ARID1B: variants seen among roughly 807,000 people sequenced by gnomAD.
The protein encoded by ARID1B is AT-rich interactive domain-containing protein 1B.
Under a neutral mutation model 212.3 loss-of-function variants are expected in ARID1B, and 30 were observed. The observed-to-expected ratio is 0.14, with a 90% CI of 0.11 to 0.19. ARID1B has a LOEUF of 0.19. Among genes scored for constraint, ARID1B ranks in the 10% least tolerant of loss-of-function variants. The pLI is 1.00. For missense variants in ARID1B, 2,891 were observed against 3,204.0 expected (o/e 0.90, Z 2.36); for synonymous variants, 1,402 against 1,301.7 (o/e 1.08, Z -1.66).
chr6:156,825,673 T>C (rs1443187323), intron 1 of ARID1B, among the ~76,000 whole-genome samples: 1 of 152,240 alleles, frequency 6.6e-6, no homozygotes, highest in East Asian at 1.9e-4. Context: ...GTGAAATAAG[T>C]AGACGTTTCC....
chr6:156,907,091 T>C (rs1210846223), intron 3 of ARID1B, among the ~76,000 whole-genome samples: 1 of 152,248 alleles, frequency 6.6e-6, no homozygotes, highest in Non-Finnish European at 1.5e-5. Context: ...CCTGCTTTTT[T>C]GCCTTTCTGC....
chr6:157,209,995 T>C lies in ARID1B; in HGVS notation c.*2104T>C, dbSNP rs532890660. ...CAGAATCCCCAGCCCCTCGCATACA[T>C]TGTGTCGGTTCACATTACTCACAGT... On this transcript the variant is annotated 3_prime_UTR_variant, in exon 20 of 20. Transcript: ENST00000636930. 4.3e-6 allele frequency: 1 copy of C among 233,190 alleles called. No individual in the cohort carries two copies. Among genetic ancestry groups the C allele is most frequent in the East Asian group, 6.0e-5 (1 of 16,554 alleles). The allele number at this position is 233,190 out of a possible 1,614,324, so 14.4% of individuals were successfully genotyped here.
intron 9 of ARID1B, chr6:157,170,342 A>T (rs7756488): frequency 0.49 from 73,926 of 152,032 alleles, 21,127 homozygotes; most frequent in African/African-American, 0.81. Flanking sequence ...GCTGGATCAC[A>T]GTTTTCTGTC....
At chr6:157,059,763 A>G (rs1371184632) in intron 4 of ARID1B, among the ~76,000 whole-genome samples, 2 of 152,316 alleles carry the variant, frequency 1.3e-5, no homozygotes, top group Non-Finnish European at 1.5e-5. Context: ...TTTGTGAGGG[A>G]GAGAGAGCAA....
intron 4 of ARID1B, among the ~76,000 whole-genome samples, chr6:157,014,493 G>T (rs1226550524): frequency 6.6e-6 from 1 of 152,176 alleles, no homozygotes; most frequent in Admixed American, 6.5e-5. Context: ...TGAATTATTG[G>T]TAAGTAGGGT....
At chr6:157,038,000 G>T (rs1781443263) in intron 4 of ARID1B, among the ~76,000 whole-genome samples, 1 of 152,212 alleles carries the variant, frequency 6.6e-6, no homozygotes. Flanking sequence ...GACCTGAATT[G>T]TCGATCAAAT....
At chr6:157,111,714 T>G (rs1269507656) in intron 6 of ARID1B, among the ~76,000 whole-genome samples, 2 of 152,242 alleles carry the variant, frequency 1.3e-5, no homozygotes, top group East Asian at 3.8e-4. Flanking sequence ...TCTCTACATA[T>G]CATTTGTGTT....
chr6:157,173,911 A>T, intron 9 of ARID1B, 97 bp from the exon 10 acceptor site: 1 of 996,936 alleles, frequency 1.0e-6, no homozygotes, highest in Non-Finnish European at 1.5e-6. Context: ...AGGGAAATGC[A>T]AGGGCCTCCT....
intron 4 of ARID1B, among the ~76,000 whole-genome samples, chr6:157,060,305 A>G (rs1238993247): frequency 6.6e-6 from 1 of 152,224 alleles, no homozygotes. Flanking sequence ...TTACATTGTA[A>G]TAGGGTATAG....
chr6:157,111,635 G>A (rs1370816133), intron 6 of ARID1B, among the ~76,000 whole-genome samples: 1 of 152,038 alleles, frequency 6.6e-6, no homozygotes, highest in Non-Finnish European at 1.5e-5. Flanking sequence ...TGAGGTTTAA[G>A]TTATTTTACA....
intron 4 of ARID1B, chr6:156,940,141 T>C (rs967421950): frequency 6.6e-5 from 10 of 152,188 alleles, no homozygotes; most frequent in African/African-American, 1.7e-4. Flanking sequence ...ACCTAAGATA[T>C]AGAATACAAT....
chr6:156,858,221 G>T (rs1785085808), intron 2 of ARID1B, among the ~76,000 whole-genome samples: 1 of 152,124 alleles, frequency 6.6e-6, no homozygotes, highest in Admixed American at 6.5e-5. Flanking sequence ...ACAGAGGCTG[G>T]AAAGTGTAGT....
At chr6:157,162,496 G>A (rs542131300) in intron 8 of ARID1B, among the ~76,000 whole-genome samples, 5 of 152,354 alleles carry the variant, frequency 3.3e-5, no homozygotes, top group African/African-American at 1.2e-4. Flanking sequence ...GTTGGGGTAT[G>A]TATGTGTGCA....
chr6:157,094,232 C>T lies in ARID1B; in HGVS notation c.2491+9327C>T, dbSNP rs564187520. On this transcript the variant is annotated intron_variant, in intron 5 of 19. Transcript: ENST00000636930. This position sits in a 1 kb window ranked among gnomAD's most constrained non-coding sequence, Gnocchi z 4.3. ...GTATTGTGCTTAGTGTGTTGGGCGG[C>T]GAACACCAGGAAATCAGTGTAGCCA... Among the ~76,000 whole-genome samples, 9 of 152,162 alleles carry T rather than the reference C, an allele frequency of 5.9e-5. No individual in the cohort carries two copies. Among genetic ancestry groups the T allele is most frequent in the East Asian group, 3.9e-4 (2 of 5,172 alleles).
intron 2 of ARID1B, among the ~76,000 whole-genome samples, chr6:156,854,454 G>T (rs188920662): frequency 2.6e-5 from 4 of 152,378 alleles, no homozygotes; most frequent in African/African-American, 4.8e-5. Flanking sequence ...GTAGGGGCTT[G>T]TCCTGGAGCA....
chr6:156,846,146 A>ATTTTT (rs778943522), intron 2 of ARID1B, among the ~76,000 whole-genome samples: 2 of 103,522 alleles, frequency 1.9e-5, no homozygotes, highest in African/African-American at 7.1e-5. Flanking sequence ...GTTGGAGGCT[A>ATTTTT]TTTTTTTTGT....
At chr6:157,009,750 G>A (rs915442972) in intron 4 of ARID1B, among the ~76,000 whole-genome samples, 1 of 152,176 alleles carries the variant, frequency 6.6e-6, no homozygotes, top group Non-Finnish European at 1.5e-5. Context: ...AGTCCCTTAT[G>A]ACATCTCTGT....
chr6:156,884,009 G>GA (rs768586803), intron 2 of ARID1B, among the ~76,000 whole-genome samples: 5 of 151,940 alleles, frequency 3.3e-5, no homozygotes, highest in East Asian at 1.9e-4. Flanking sequence ...GATTCTCTGG[G>GA]AAAAAAAATA....
At chr6:156,932,213 C>G (rs1192633948) in intron 3 of ARID1B, among the ~76,000 whole-genome samples, 1 of 151,612 alleles carries the variant, frequency 6.6e-6, no homozygotes, top group Admixed American at 6.6e-5. Context: ...TACTACTACG[C>G]TAAACTTTTT....
Sources: allele counts gnomAD v4.1 joint callset (sites outside exome capture counted in the v4.1 genomes callset), GRCh38; gene constraint gnomAD v4.1.1; non-coding constraint Gnocchi (gnomAD v3.1); transcripts MANE v1.5; gene names NCBI Gene and HGNC (gene_info 2026-07-23, HGNC 2026-07-21).